CPA5: variants seen among roughly 807,000 people sequenced by gnomAD.
CPA5 encodes the protein testicular tissue protein Li 32.
Under a neutral mutation model 52.2 loss-of-function variants are expected in CPA5, and 38 were observed. That is an observed-to-expected ratio of 0.73 (90% confidence interval 0.56 to 0.95). The LOEUF is 0.95. Ranked by LOEUF, CPA5 falls within the 40% of genes least tolerant of loss-of-function variation. The pLI is 0.00. For synonymous variants in CPA5, 198 were observed against 213.7 expected (o/e 0.93, Z 0.64); for missense variants, 519 against 566.7 (o/e 0.92, Z 0.86).
intron 5 of CPA5, among the ~76,000 whole-genome samples, chr7:130,351,608 G>A (rs1326621608): frequency 6.6e-6 from 1 of 152,160 alleles, no homozygotes; most frequent in African/African-American, 2.4e-5. Flanking sequence ...TGCCATACTT[G>A]AGATCATATT....
At chr7:130,362,654 A>T in intron 8 of CPA5, 115 bp downstream of exon 8, 1 of 755,622 alleles carries the variant, frequency 1.3e-6, no homozygotes, top group Non-Finnish European at 2.2e-6. Context: ...TGCTGTCTCC[A>T]TCCCGCCCTT....
chr7:130,347,440 C>G (rs1554402596), intron 3 of CPA5, among the ~76,000 whole-genome samples: 1 of 152,194 alleles, frequency 6.6e-6, no homozygotes, highest in East Asian at 1.9e-4. Context: ...CACATCGCCC[C>G]CCTCCCCATT....
chr7:130,354,887 G>A (rs1244036744), intron 5 of CPA5, among the ~76,000 whole-genome samples: 5 of 152,160 alleles, frequency 3.3e-5, no homozygotes, highest in African/African-American at 1.2e-4. Context: ...GCACCACCAT[G>A]CCTGGCTTGA....
intron 3 of CPA5, among the ~76,000 whole-genome samples, chr7:130,347,436 G>A (rs536490356): frequency 6.6e-6 from 1 of 150,496 alleles, no homozygotes; most frequent in Non-Finnish European, 1.5e-5. Context: ...TTTACACATC[G>A]CCCCCCTCCC....
In CPA5 at chr7:130,361,148, T is replaced by G; in HGVS notation, c.438T>G (p.Tyr146Ter). The G allele has an allele frequency of 6.2e-7, 1 of 1,609,498 alleles. No homozygotes were observed. The highest frequency in any genetic ancestry group is 1.3e-5 in the African/African-American group (1 of 74,972). The change falls in exon 7 of 13, where the codon TAT becomes TAG. Residue 146 changes from tyrosine (Y) to a stop codon, truncating the protein, a stop_gained. Coordinates refer to ENST00000474905, the MANE Select transcript of CPA5 (RefSeq NM_080385.5). LOFTEE classifies it high-confidence loss of function. ...ACACACTTCTTTCCTTTCAGATATA[T>G]AGCTGGATTGACAACTTTGTAATGG... ...YSSYHTLEEI[Y>*]SWIDNFVMEH...
downstream of CPA5, among the ~76,000 whole-genome samples, chr7:130,372,011 CT>C (rs1389389562): frequency 4.3e-4 from 65 of 152,354 alleles, no homozygotes; most frequent in African/African-American, 1.5e-3. Flanking sequence ...TGCCCAGCGG[CT>C]TTGTGTGTGC....
At chr7:130,367,663 CTGAA>C in intron 11 of CPA5, 92 bp downstream of exon 11, 1 of 1,288,762 alleles carries the variant, frequency 7.8e-7, no homozygotes, top group Non-Finnish European at 1.1e-6. Flanking sequence ...GGTTGTTACT[CTGAA>C]TGCAGGGGTC....
At chr7:130,357,301 G>A (rs1275275849) in intron 5 of CPA5, among the ~76,000 whole-genome samples, 3 of 152,110 alleles carry the variant, frequency 2.0e-5, no homozygotes, top group Non-Finnish European at 2.9e-5. Context: ...GAGGGACACC[G>A]CTCTTCCTGA....
chr7:130,363,472 C>T lies in CPA5; in HGVS notation c.801C>T (p.Gly267=), dbSNP rs782589236. The change falls in exon 10 of 13, where the codon GGC becomes GGT. Residue 267 remains glycine, a synonymous_variant. Transcript: ENST00000474905. ...TCAGACCTGGAATCTTCTGCATCGGCGTGGATCTCAACAGGAACTGGAAGT... is the reference window on the plus strand; with the variant it reads ...TCAGACCTGGAATCTTCTGCATCGGTGTGGATCTCAACAGGAACTGGAAGT... ...KSIRPGIFCI[G]VDLNRNWKSG... 4.0e-5 allele frequency: 64 copies of T among 1,586,274 alleles called. No homozygotes were observed. The highest frequency in any genetic ancestry group is 9.1e-5 in the Admixed American group (5 of 54,998).
chr7:130,350,039 A>G lies in CPA5; in HGVS notation c.263A>G (p.Glu88Gly), dbSNP rs1554403504. The change falls in exon 5 of 13, where the codon GAA becomes GGA. Residue 88 changes from glutamate (E) to glycine (G), a missense_variant. Physicochemically the swap from Glu to Gly is moderately conservative, Grantham distance 98. Coordinates refer to ENST00000474905, the MANE Select transcript of CPA5 (RefSeq NM_080385.5). Reference protein sequence around the residue: ...LPVDMRVPFSELKDIKAYLES... With the variant: ...LPVDMRVPFSGLKDIKAYLES... Reference sequence around the variant, plus strand: ...GTGGATATGAGAGTTCCTTTCTCTGAACTGAAAGACATCAAAGCTTATCTG... The same window carrying G: ...GTGGATATGAGAGTTCCTTTCTCTGGACTGAAAGACATCAAAGCTTATCTG... The G allele has an allele frequency of 5.6e-6, 9 of 1,614,080 alleles. No homozygotes were observed.
At chr7:130,369,554 G>A (rs1411248620), downstream of CPA5, among the ~76,000 whole-genome samples, 1 of 152,228 alleles carries the variant, frequency 6.6e-6, no homozygotes, top group Non-Finnish European at 1.5e-5. Context: ...ATGAGGTTGT[G>A]TAAGTCTGAG....
At chr7:130,348,651 C>G (rs115519176) in intron 4 of CPA5, among the ~76,000 whole-genome samples, 11 of 152,140 alleles carry the variant, frequency 7.2e-5, no homozygotes, top group African/African-American at 2.2e-4. Context: ...CTCTTTAGGG[C>G]TCTCTGGATC....
intron 12 of CPA5, 71 bp downstream of exon 12, chr7:130,368,061 G>A (rs1796199081): frequency 7.2e-7 from 1 of 1,380,788 alleles, no homozygotes; most frequent in Non-Finnish European, 1.0e-6. Flanking sequence ...GCAGTGCCAA[G>A]GATCTAGCTG....
chr7:130,355,063 G>A (rs1795395862), intron 5 of CPA5, among the ~76,000 whole-genome samples: 1 of 17,616 alleles, frequency 5.7e-5, no homozygotes, highest in Non-Finnish European at 2.3e-4. Flanking sequence ...CATCATGGGG[G>A]TAGGGACAGA....
At position 130,362,911 on chromosome 7, in the gene CPA5, G is replaced by C; in HGVS notation, c.664G>C (p.Val222Leu). 1 of 1,613,576 alleles carries C rather than the reference G, an allele frequency of 6.2e-7. No individual in the cohort carries two copies. Among genetic ancestry groups the C allele is most frequent in the Admixed American group, 1.7e-5 (1 of 60,020 alleles). The change falls in exon 9 of 13, where the codon GTC (valine) becomes CTC (leucine). Residue 222 changes from valine (V) to leucine (L), a missense_variant. Transcript: ENST00000474905. ...TGTCAGTGATTATGGCAAAGACCGT[G>C]TCCTGACAGACATACTGAATGCCAT... The part of the protein sequence containing the change: ...KIVSDYGKDR[V>L]LTDILNAMDI...
chr7:130,362,662 C>A, intron 8 of CPA5, 123 bp downstream of exon 8: 1 of 717,672 alleles, frequency 1.4e-6, no homozygotes, highest in Non-Finnish European at 2.4e-6. Flanking sequence ...CCATCCCGCC[C>A]TTTGGAGCAG....
Position 130,367,227 on chromosome 7 carries a change from T to C in CPA5, c.839-145T>C, listed in dbSNP as rs1796138901. 5 of 674,436 alleles carry C rather than the reference T, an allele frequency of 7.4e-6. No individual in the cohort carries two copies. The Admixed American group carries it at 9.2e-5, about 12-fold the overall frequency. The allele number at this position is 674,436 out of a possible 1,614,324, so 41.8% of individuals were successfully genotyped here. Reference sequence around the variant, plus strand: ...AAGTGCCGTGTCATTTCTGCTCACCTTTCCATTGGTCAAAGTAGTCACATG... The same window carrying C: ...AAGTGCCGTGTCATTTCTGCTCACCCTTCCATTGGTCAAAGTAGTCACATG... On this transcript the variant is annotated intron_variant, in intron 10 of 12. Coordinates refer to ENST00000474905, the MANE Select transcript of CPA5 (RefSeq NM_080385.5).
At chr7:130,374,045 G>A in the CPA5 span, among the ~76,000 whole-genome samples, 1 of 151,710 alleles carries the variant, frequency 6.6e-6, no homozygotes, top group African/African-American at 2.4e-5. Context: ...CCAGAGCCAG[G>A]CCTGGCTGCT....
chr7:130,365,880 TAACA>T (rs1458270512), intron 10 of CPA5, among the ~76,000 whole-genome samples: 1 of 152,184 alleles, frequency 6.6e-6, no homozygotes, highest in African/African-American at 2.4e-5. Context: ...CTGGCAGACA[TAACA>T]AACAAGGCCA....
Sources: gnomAD v4.1 joint callset for allele counts (sites outside exome capture counted in the v4.1 genomes callset) on GRCh38, gnomAD v4.1.1 for gene constraint, MANE v1.5 for transcripts, NCBI Gene and HGNC (gene_info 2026-07-23, HGNC 2026-07-21) for gene names.